The following MAPK10 variants were observed in gnomAD, a reference collection of about 807,000 sequenced individuals.
The protein encoded by MAPK10 is mitogen-activated protein kinase 10, also known as JNK3 alpha protein kinase.
A neutral mutation model predicts 59.3 loss-of-function variants in MAPK10; 25 were observed. The ratio of observed to expected loss-of-function variants is 0.42; its 90% CI spans 0.31 to 0.59. The LOEUF is 0.59. Among genes scored for constraint, MAPK10 ranks in the 20% least tolerant of loss-of-function variants. The probability of loss-of-function intolerance (pLI) is 0.15; values close to 1 mark genes in which losing one functional copy is unlikely to be tolerated. For missense variants in MAPK10, 351 were observed against 568.9 expected (o/e 0.62, Z 3.90); for synonymous variants, 190 against 200.5 (o/e 0.95, Z 0.44).
intron 2 of MAPK10, among the ~76,000 whole-genome samples, chr4:86,312,633 G>A (rs930378554): frequency 1.3e-5 from 2 of 152,010 alleles, no homozygotes; most frequent in Non-Finnish European, 2.9e-5. Flanking sequence ...TGTAAATAGG[G>A]ACTGCAGGAT....
chr4:86,036,261 T>A (rs930815641), intron 11 of MAPK10, among the ~76,000 whole-genome samples: 1 of 152,128 alleles, frequency 6.6e-6, no homozygotes, highest in African/African-American at 2.4e-5. Flanking sequence ...TCCAGATAGA[T>A]CTTCGGTGGA....
intron 9 of MAPK10, among the ~76,000 whole-genome samples, chr4:86,075,996 CCT>C (rs2049296663): frequency 2.7e-5 from 4 of 146,640 alleles, no homozygotes; most frequent in Middle Eastern, 3.6e-3. Flanking sequence ...CCCCAGCCCT[CCT>C]GGGGCCTTGC....
intron 1 of MAPK10, among the ~76,000 whole-genome samples, chr4:86,546,711 T>C (rs537335717): frequency 2.0e-5 from 3 of 152,154 alleles, no homozygotes; most frequent in Non-Finnish European, 4.4e-5. Flanking sequence ...TTTGAATGGG[T>C]TCCATGCAGT....
In MAPK10 at chr4:86,014,203, C is replaced by CTTTT. The variant is rs1422599526; in HGVS notation, c.*3021_*3024dup. 1 of 152,006 alleles carries CTTTT rather than the reference C, an allele frequency of 6.6e-6. No homozygotes were observed. Among genetic ancestry groups the CTTTT allele is most frequent in the Non-Finnish European group, 1.5e-5 (1 of 68,006 alleles). The allele number at this position is 152,006 out of a possible 1,614,324, so 9.4% of individuals were successfully genotyped here. On this transcript the variant is annotated 3_prime_UTR_variant, in exon 14 of 14. Coordinates refer to ENST00000641462, the MANE Select transcript of MAPK10 (RefSeq NM_138982.4). ...GCCCCAACCCCAGGTAGAACCTTCA[C>CTTTT]TTTTTTTCAGGAATATTGTCCAGGT... is the stretch of plus-strand genomic sequence containing the variant.
At chr4:86,363,889 C>G (rs888276856), upstream of MAPK10, among the ~76,000 whole-genome samples, 3 of 150,396 alleles carry the variant, frequency 2.0e-5, no homozygotes, top group African/African-American at 7.4e-5. Context: ...CTCAAGGGGT[C>G]CTCCCAGCTC....
chr4:86,343,812 C>T (rs1365658851), intron 2 of MAPK10, among the ~76,000 whole-genome samples: 1 of 152,124 alleles, frequency 6.6e-6, no homozygotes, highest in East Asian at 1.9e-4. Context: ...CAGTCATTAA[C>T]CAGATTGGCA....
At chr4:86,277,535 G>A (rs1198949258) in intron 2 of MAPK10, among the ~76,000 whole-genome samples, 1 of 151,996 alleles carries the variant, frequency 6.6e-6, no homozygotes, top group African/African-American at 2.4e-5. Flanking sequence ...TTGATGCTTG[G>A]ATTACTTTTT....
intron 11 of MAPK10, among the ~76,000 whole-genome samples, chr4:86,060,007 T>A (rs1335597898): frequency 6.6e-6 from 1 of 152,070 alleles, no homozygotes; most frequent in Non-Finnish European, 1.5e-5. Context: ...ATTCCCAGAG[T>A]AAGGTTTCAG....
chr4:86,139,686 A>G (rs2063156922), intron 4 of MAPK10, among the ~76,000 whole-genome samples: 1 of 152,188 alleles, frequency 6.6e-6, no homozygotes, highest in Non-Finnish European at 1.5e-5. Flanking sequence ...GACAAATGGG[A>G]TCTAATTAAA....
At chr4:86,359,298 G>C (rs1390153271) in intron 1 of MAPK10, among the ~76,000 whole-genome samples, 1,046 of 67,538 alleles carry the variant, frequency 0.015, 9 homozygotes, top group South Asian at 0.025. Context: ...CTGTGTGTGT[G>C]TGTGTGTGTG....
intron 1 of MAPK10, among the ~76,000 whole-genome samples, chr4:86,494,598 C>A (rs941289740): frequency 1.3e-5 from 2 of 152,030 alleles, no homozygotes; most frequent in South Asian, 2.1e-4. Flanking sequence ...GTAATCCCAG[C>A]ACTTTGGGAG....
chr4:86,575,512 TTTTTGG>T (rs1761816283), intron 1 of MAPK10, among the ~76,000 whole-genome samples: 3 of 152,070 alleles, frequency 2.0e-5, no homozygotes, highest in African/African-American at 7.2e-5. Flanking sequence ...CAGCTCTAGT[TTTTTGG>T]TAGATATCCT....
Position 86,073,230 on chromosome 4 carries a change from G to T in MAPK10, c.803-5275C>A, listed in dbSNP as rs1471652451. Among the ~76,000 whole-genome samples, 11 of 135,410 alleles carry T rather than the reference G, an allele frequency of 8.1e-5. No individual in the cohort carries two copies. The East Asian group carries it at 2.0e-3, about 25-fold the overall frequency. 88.8% of individuals were successfully genotyped at this position (135,410 alleles called of 152,430 possible). A position where few individuals can be genotyped will look rare whatever the true frequency, so the allele number is the denominator to read the frequency against. ...TGGTAGTTTGTATTTCTGTGGGATC[G>T]GTGGTGATATCCCCTTTATCATTTT... On this transcript the variant is annotated intron_variant, in intron 9 of 13. Transcript: ENST00000641462.
chr4:86,105,739 C>A (rs1242029170), intron 5 of MAPK10, among the ~76,000 whole-genome samples: 1 of 152,002 alleles, frequency 6.6e-6, no homozygotes, highest in Non-Finnish European at 1.5e-5. Context: ...TTCATAGGAA[C>A]CATCCTTTCT....
In MAPK10 at chr4:86,440,627, C is replaced by CAA. The variant is rs59183601; in HGVS notation, c.-122+12401_-122+12402dup. Among the ~76,000 whole-genome samples the CAA allele has an allele frequency of 7.3e-3, 790 of 108,646 alleles. 7 individuals are homozygous for CAA. The highest frequency in any genetic ancestry group is 0.026 in the African/African-American group (699 of 27,148). 71.3% of individuals were successfully genotyped at this position (108,646 alleles called of 152,430 possible). A position where few individuals can be genotyped will look rare whatever the true frequency, so the allele number is the denominator to read the frequency against. On this transcript the variant is annotated intron_variant, in intron 1 of 13. Transcript: ENST00000361569. The stretch of plus-strand genomic sequence containing the variant: ...TGGGTGACAGAGCGAGATCCTGTCT[C>CAA]AAAAAAAAAAAAAAAGGAATGTAAC...
intron 2 of MAPK10, among the ~76,000 whole-genome samples, chr4:86,309,062 T>C (rs2095621821): frequency 1.3e-5 from 2 of 152,184 alleles, no homozygotes; most frequent in Admixed American, 6.5e-5. Flanking sequence ...TATCCTACAA[T>C]CTTTACATTA....
chr4:86,464,776 T>C (rs4693771), intron 1 of MAPK10, among the ~76,000 whole-genome samples: 69,408 of 150,096 alleles, frequency 0.46, 16,150 homozygotes, highest in East Asian at 0.54. Flanking sequence ...GCCGAGATCA[T>C]ACCACTGCAC....
chr4:86,554,825 A>C (rs141983670), intron 1 of MAPK10, among the ~76,000 whole-genome samples: 4 of 152,212 alleles, frequency 2.6e-5, no homozygotes, highest in African/African-American at 9.6e-5. Flanking sequence ...TTGTATGGGC[A>C]CAATGCCCTT....
At chr4:86,044,382 T>C (rs540436672) in intron 11 of MAPK10, among the ~76,000 whole-genome samples, 2 of 152,080 alleles carry the variant, frequency 1.3e-5, no homozygotes, top group African/African-American at 4.8e-5. Flanking sequence ...GAGGCCTTGG[T>C]GTCAGGATAT....
Sources: allele counts gnomAD v4.1 joint callset (sites outside exome capture counted in the v4.1 genomes callset), GRCh38; gene constraint gnomAD v4.1.1; transcripts MANE v1.5; gene names NCBI Gene and HGNC (gene_info 2026-07-23, HGNC 2026-07-21).